ASAH1: variants seen among roughly 807,000 people sequenced by gnomAD.
ASAH1 encodes the protein N-acylsphingosine amidohydrolase 1.
Under a neutral mutation model 59.5 loss-of-function variants are expected in ASAH1, and 70 were observed. The ratio of observed to expected loss-of-function variants is 1.18; its 90% CI spans 0.97 to 1.43. The LOEUF (loss-of-function observed/expected upper bound fraction) is 1.43, where lower values mean the gene tolerates loss of function less well. ASAH1 is among the 40% of genes most tolerant of loss of function. ASAH1 has a pLI of 0.00. For missense variants in ASAH1, 660 were observed against 482.5 expected (o/e 1.37, Z -3.45); for synonymous variants, 213 against 166.5 (o/e 1.28, Z -2.15).
intron 1 of ASAH1, among the ~76,000 whole-genome samples, chr8:18,080,312 C>T (rs928278160): frequency 1.3e-5 from 2 of 152,188 alleles, no homozygotes; most frequent in African/African-American, 4.8e-5. Context: ...GTTTCATCTT[C>T]GCACATCTTA....
At position 18,062,374 on chromosome 8, in the gene ASAH1, A is replaced by T. The variant is rs1289291243; in HGVS notation, c.553T>A (p.Leu185Ile). The T allele has an allele frequency of 6.2e-7, 1 of 1,614,192 alleles. No individual in the cohort carries two copies. The highest frequency in any genetic ancestry group is 8.5e-7 in the Non-Finnish European group (1 of 1,180,024). ...TWVITEQLKPLTVNLDFQRNN... is the reference protein window; with the variant it reads ...TWVITEQLKPITVNLDFQRNN... ...CTTTGGAAATCCAAATTCACTGTTAAAGGTTTTAGTTGCTCAGTTATGACC... is the reference window on the plus strand; with the variant it reads ...CTTTGGAAATCCAAATTCACTGTTATAGGTTTTAGTTGCTCAGTTATGACC... The change falls in exon 8 of 14, where the codon TTA (leucine) becomes ATA (isoleucine). Residue 185 changes from leucine (L) to isoleucine (I), a missense_variant. Leu to Ile is a conservative substitution (Grantham distance 5). Coordinates refer to ENST00000637790, the MANE Select transcript of ASAH1 (RefSeq NM_177924.5).
chr8:18,080,867 T>G (rs565831958), intron 1 of ASAH1, among the ~76,000 whole-genome samples: 3 of 152,230 alleles, frequency 2.0e-5, no homozygotes, highest in Admixed American at 2.0e-4. Flanking sequence ...CTGTCCTGTT[T>G]TAACTTTGGC....
chr8:18,059,027 G>T lies in ASAH1; in HGVS notation c.1042-136C>A, dbSNP rs892840224. 8.6e-6 allele frequency: 7 copies of T among 815,210 alleles called. No homozygotes were observed. The African/African-American group carries it at 1.2e-4, about 14-fold the overall frequency. 50.5% of individuals were successfully genotyped at this position (815,210 alleles called of 1,614,324 possible). On this transcript the variant is annotated intron_variant, in intron 12 of 13. Transcript: ENST00000637790. ...CCATCCCCGCAGTGGAGTTTCTGTG[G>T]GAGTCACTGTTAGAAACACAGGTAA...
At chr8:18,082,108 A>G (rs955176712) in intron 1 of ASAH1, among the ~76,000 whole-genome samples, 1 of 152,230 alleles carries the variant, frequency 6.6e-6, no homozygotes, top group African/African-American at 2.4e-5. Flanking sequence ...TTAGTTTTGC[A>G]TTCTTATTTT....
intron 1 of ASAH1, among the ~76,000 whole-genome samples, chr8:18,081,266 A>AT: frequency 6.6e-6 from 1 of 151,710 alleles, no homozygotes; most frequent in Non-Finnish European, 1.5e-5. Context: ...CGCCCTCCTG[A>AT]TTTTTTTCTA....
chr8:18,084,788 A>C, upstream of ASAH1: 1 of 1,613,624 alleles, frequency 6.2e-7, no homozygotes, highest in Non-Finnish European at 8.5e-7. Context: ...TCCCAGCCCG[A>C]TGCAGCAGTT....
intron 1 of ASAH1, among the ~76,000 whole-genome samples, chr8:18,078,205 G>T (rs1373250221): frequency 6.6e-6 from 1 of 152,168 alleles, no homozygotes; most frequent in Non-Finnish European, 1.5e-5. Flanking sequence ...CACGCCCTGG[G>T]TTCCAAAGCC....
rs750226117 is a variant in ASAH1 at position 18,062,318 on chromosome 8, G to A, written c.609C>T (p.Ser203=). 1 of 1,614,218 alleles carries A rather than the reference G, an allele frequency of 6.2e-7. No individual in the cohort carries two copies. The highest frequency in any genetic ancestry group is 8.5e-7 in the Non-Finnish European group (1 of 1,180,036). Residue 203 remains serine (S), a synonymous_variant, in exon 8 of 14, where the codon AGC becomes AGT. Coordinates refer to ENST00000637790, the MANE Select transcript of ASAH1 (RefSeq NM_177924.5). ...RNNKTVFKAS[S]FAGYVGMLTG... ...TTAACATGCCCACATAGCCAGCAAA[G>A]CTTGAAGCCTTGAAGACAGTTTTGT...
Position 18,066,458 on chromosome 8 carries a change from C to G in ASAH1, c.382+762G>C, listed in dbSNP as rs1485331450. The G allele has an allele frequency of 2.7e-5, 4 of 146,350 alleles. No individual in the cohort carries two copies. The East Asian group carries it at 7.9e-4, about 29-fold the overall frequency. The allele number at this position is 146,350 out of a possible 1,614,324, so 9.1% of individuals were successfully genotyped here. A position where few individuals can be genotyped will look rare whatever the true frequency, so the allele number is the denominator to read the frequency against. ...AAAAAAAGTCAATAAACTGTTCAATCTCATTAATCATCAAGGAAATGCAAA... is the reference window on the plus strand; with the variant it reads ...AAAAAAAGTCAATAAACTGTTCAATGTCATTAATCATCAAGGAAATGCAAA... On this transcript the variant is annotated intron_variant, in intron 5 of 13. Transcript: ENST00000637790.
In ASAH1 at chr8:18,059,626, G is replaced by C. The variant is rs2117018653; in HGVS notation, c.863C>G (p.Ser288Cys). 1.9e-6 allele frequency: 3 copies of C among 1,614,136 alleles called. No homozygotes were observed. The highest frequency in any genetic ancestry group is 1.1e-5 in the South Asian group (1 of 91,084). The change falls in exon 11 of 14, where the codon TCT becomes TGT. Residue 288 changes from serine to cysteine, a missense_variant. Transcript: ENST00000637790. ...PAYFILGGNQSGEGCVITRDR... is the reference protein window; with the variant it reads ...PAYFILGGNQCGEGCVITRDR... ...TCGTGTAATCACACAACCTTCCCCA[G>C]ACTGGTTGCCTCCCAGGATAAAGTA...
chr8:18,070,780 A>G (rs972974936), intron 3 of ASAH1, among the ~76,000 whole-genome samples: 1 of 152,152 alleles, frequency 6.6e-6, no homozygotes, highest in African/African-American at 2.4e-5. Flanking sequence ...AGGTATCAAA[A>G]GCACAATTTT....
chr8:18,076,635 G>A (rs1459926596), intron 1 of ASAH1: 4 of 152,290 alleles, frequency 2.6e-5, no homozygotes, highest in African/African-American at 7.2e-5. Context: ...ATAAGATAAA[G>A]TAGAGTAGGT....
intron 2 of ASAH1, among the ~76,000 whole-genome samples, chr8:18,074,338 T>C (rs940700808): frequency 6.6e-6 from 1 of 152,188 alleles, no homozygotes; most frequent in Admixed American, 6.5e-5. Flanking sequence ...ACCTCTAAAT[T>C]GCTTCCTGCC....
intron 3 of ASAH1, 50 bp from the exon 4 acceptor site, chr8:18,069,928 A>C: frequency 1.5e-6 from 2 of 1,349,762 alleles, no homozygotes; most frequent in Non-Finnish European, 2.1e-6. Flanking sequence ...AATGCTGTCA[A>C]GATTACCTTT....
At chr8:18,084,528 G>A (rs1032410417), upstream of ASAH1, 40 of 1,413,344 alleles carry the variant, frequency 2.8e-5, no homozygotes, top group East Asian at 5.0e-5. Context: ...ATCCCACCCT[G>A]ACCCATCTTT....
At chr8:18,075,409 C>CA (rs1158905811) in intron 2 of ASAH1, 132 bp downstream of exon 2, 1 of 1,002,452 alleles carries the variant, frequency 1.0e-6, no homozygotes, top group Admixed American at 1.7e-5. Flanking sequence ...ATCTGAGAAA[C>CA]AAACCTCTGT....
chr8:18,084,137 CCCT>C (rs1271955154), upstream of ASAH1: 1 of 1,574,912 alleles, frequency 6.3e-7, no homozygotes, highest in African/African-American at 1.3e-5. Flanking sequence ...AGGCCACGCC[CCCT>C]CCGCCGCGTG....
chr8:18,083,682 A>AACTGGTT, intron 1 of ASAH1, among the ~76,000 whole-genome samples: 1 of 152,380 alleles, frequency 6.6e-6, no homozygotes, highest in Middle Eastern at 3.4e-3. Flanking sequence ...AAGGGCCTGG[A>AACTGGTT]ACTGGTTATT....
In ASAH1 at chr8:18,057,614, A is replaced by G; in HGVS notation, c.1108T>C (p.Tyr370His). 12 of 1,601,572 alleles carry G rather than the reference A, an allele frequency of 7.5e-6. No individual in the cohort carries two copies. The highest frequency in any genetic ancestry group is 1.0e-5 in the Non-Finnish European group (12 of 1,171,818). ...TTGGTAACATCTATCAAGGTTGTGT[A>G]TACGGTCAGCTGAAAGAAAAGTTAT... ...TKPVLNKLTV[Y>H]TTLIDVTKGQ... is the part of the protein sequence containing the mutation. Residue 370 changes from tyrosine (Y) to histidine (H), a missense_variant, in exon 14 of 14, where the codon TAC becomes CAC. Physicochemically the swap from Tyr to His is moderately conservative, Grantham distance 83. Transcript: ENST00000637790.
Sources: gnomAD v4.1 joint callset for allele counts (sites outside exome capture counted in the v4.1 genomes callset) on GRCh38, gnomAD v4.1.1 for gene constraint, MANE v1.5 for transcripts, NCBI Gene and HGNC (gene_info 2026-07-23, HGNC 2026-07-21) for gene names.